Variants in FAM184B observed in about 807,000 individuals in gnomAD.
FAM184B encodes the protein protein FAM184B.
Under a neutral mutation model 135.9 loss-of-function variants are expected in FAM184B, and 111 were observed. The observed-to-expected ratio is 0.82, with a 90% CI of 0.70 to 0.96. The LOEUF (loss-of-function observed/expected upper bound fraction) is 0.96, where lower values mean the gene tolerates loss of function less well. Ranked by LOEUF, FAM184B falls within the 40% of genes least tolerant of loss-of-function variation. FAM184B has a pLI of 0.00. For missense variants in FAM184B, 1,375 were observed against 1,323.9 expected, an observed-to-expected ratio of 1.04 and a Z score of -0.60; for synonymous variants, 552 against 524.8, an observed-to-expected ratio of 1.05 and a Z score of -0.71.
chr4:17,686,149 C>T (rs183245855), intron 7 of FAM184B, among the ~76,000 whole-genome samples: 97 of 152,332 alleles, frequency 6.4e-4, no homozygotes, highest in African/African-American at 1.9e-3. Context: ...CCACAGGGCG[C>T]TGGTGAAAGG....
chr4:17,653,925 G>GGAGAGAGAGAGGGAGGGAGAGAGAGA (rs140514998), intron 10 of FAM184B, among the ~76,000 whole-genome samples: 2 of 131,274 alleles, frequency 1.5e-5, no homozygotes, highest in Admixed American at 7.6e-5. Context: ...AGAGAGGGAG[G>GGAGAGAGAGAGGGAGGGAGAGAGAGA]GGGAGGGGGA....
chr4:17,652,146 T>TTTTTTTTGAG (rs762642185), intron 11 of FAM184B, among the ~76,000 whole-genome samples: 1 of 131,934 alleles, frequency 7.6e-6, no homozygotes, highest in Non-Finnish European at 1.6e-5. Context: ...TTTTTTTTTT[T>TTTTTTTTGAG]TTGAGTCTTG....
At chr4:17,632,810 T>C (rs936870088) in intron 17 of FAM184B, 185 bp from the exon 18 acceptor site, 1 of 515,388 alleles carries the variant, frequency 1.9e-6, no homozygotes, top group African/African-American at 1.9e-5. Flanking sequence ...GAGTACCTAA[T>C]CCTCATTTGG....
Position 17,701,543 on chromosome 4 carries a change from T to C in FAM184B, c.1377+3457A>G, listed in dbSNP as rs192001239. 1.5e-4 allele frequency among the ~76,000 whole-genome samples: 23 copies of C among 152,338 alleles called. No homozygotes were observed. In the East Asian group the frequency reaches 4.2e-3, roughly 28 times the overall value. ...GGATGTTTGAGAACCCTCCATCTGA[T>C]GGATCAGAGCCCTCCTCTTATTATA... On this transcript the variant is annotated intron_variant, in intron 5 of 17. Coordinates refer to ENST00000265018, the MANE Select transcript of FAM184B (RefSeq NM_015688.2).
rs1190252887 is a variant in FAM184B, at chr4:17,633,682, C to G, written c.3089+7G>C. 4 of 1,520,208 alleles carry G rather than the reference C, an allele frequency of 2.6e-6. No individual in the cohort carries two copies. In the African/African-American group the frequency reaches 4.2e-5, roughly 16 times the overall value. The allele number at this position is 1,520,208 out of a possible 1,614,324, so 94.2% of individuals were successfully genotyped here. On this transcript the variant is annotated splice_region_variant and intron_variant, in intron 17 of 17. Transcript: ENST00000265018. ...ATAAGGGCCCCTGTCCCCAACATCC[C>G]CCAAACCTTGTGGCAGTTTTTGCAT...
At position 17,733,005 on chromosome 4, in the gene FAM184B, A is replaced by G. The variant is rs560533898; in HGVS notation, c.142-23361T>C. Among the ~76,000 whole-genome samples the G allele has an allele frequency of 1.1e-4, 17 of 152,336 alleles. No individual in the cohort carries two copies. In the South Asian group the frequency reaches 3.1e-3, roughly 28 times the overall value. On this transcript the variant is annotated intron_variant, in intron 1 of 17. Transcript: ENST00000265018. The stretch of plus-strand genomic sequence containing the variant: ...TATCCACCATGATCAAGTGGGCTTC[A>G]TTCCTGGGATGCAAGGCTGGTTCAA...
intron 7 of FAM184B, among the ~76,000 whole-genome samples, chr4:17,686,322 G>C (rs969465016): frequency 6.6e-6 from 1 of 152,224 alleles, no homozygotes; most frequent in Non-Finnish European, 1.5e-5. Context: ...CTGTGGATGA[G>C]GGTGCCTCTG....
At position 17,698,527 on chromosome 4, in the gene FAM184B, T is replaced by G. The variant is rs538651475; in HGVS notation, c.1378-5115A>C. On this transcript the variant is annotated intron_variant, in intron 5 of 17. Transcript: ENST00000265018. ...GAAAAGTTAATTATTTGGTATATAT[T>G]TAAAGTTCATGATGCAGCTGAAAGA... Among the ~76,000 whole-genome samples the G allele has an allele frequency of 5.3e-5, 8 of 152,276 alleles. No homozygotes were observed. The South Asian group carries it at 1.5e-3, about 28-fold the overall frequency.
At chr4:17,661,151 C>T (rs754937183) in intron 8 of FAM184B, among the ~76,000 whole-genome samples, 2 of 152,172 alleles carry the variant, frequency 1.3e-5, no homozygotes, top group African/African-American at 2.4e-5. Context: ...GCCTGATCTT[C>T]CTCCTCTATA....
intron 2 of FAM184B, among the ~76,000 whole-genome samples, chr4:17,708,556 A>C (rs1446138648): frequency 6.7e-6 from 1 of 149,722 alleles, no homozygotes; most frequent in Non-Finnish European, 1.5e-5. Flanking sequence ...GAGGCAGGAG[A>C]ATTGCTTGAA....
At chr4:17,715,520 G>A (rs1163870193) in intron 1 of FAM184B, among the ~76,000 whole-genome samples, 1 of 151,758 alleles carries the variant, frequency 6.6e-6, no homozygotes, top group Non-Finnish European at 1.5e-5. Context: ...AATTAATGGG[G>A]TCAAAAGACA....
intron 1 of FAM184B, among the ~76,000 whole-genome samples, chr4:17,721,383 CAAAAAAAAAAA>C (rs61539641): frequency 2.1e-5 from 1 of 47,384 alleles, no homozygotes; most frequent in Non-Finnish European, 4.0e-5. Context: ...GATTCTGTCT[CAAAAAAAAAAA>C]AAAAAAAAAA....
intron 1 of FAM184B, among the ~76,000 whole-genome samples, chr4:17,768,047 A>G (rs1718737951): frequency 6.6e-6 from 1 of 152,196 alleles, no homozygotes; most frequent in African/African-American, 2.4e-5. Context: ...TGTTCCAATA[A>G]AACTTTATTC....
chr4:17,641,943 C>A, intron 13 of FAM184B, 113 bp downstream of exon 13: 1 of 1,392,362 alleles, frequency 7.2e-7, no homozygotes, highest in Non-Finnish European at 9.3e-7. Flanking sequence ...GGCAGGATGC[C>A]GAGGCAGTGA....
intron 1 of FAM184B, among the ~76,000 whole-genome samples, chr4:17,750,205 T>A (rs959130173): frequency 6.6e-6 from 1 of 152,230 alleles, no homozygotes; most frequent in African/African-American, 2.4e-5. Context: ...CGATTTCCTA[T>A]CACCACCAGC....
At chr4:17,652,044 A>G (rs1232670047) in intron 11 of FAM184B, among the ~76,000 whole-genome samples, 2 of 152,056 alleles carry the variant, frequency 1.3e-5, no homozygotes, top group Admixed American at 6.6e-5. Context: ...TCTGGGTTAC[A>G]TGCAATAATA....
intron 1 of FAM184B, among the ~76,000 whole-genome samples, chr4:17,770,521 TG>T (rs1393378557): frequency 1.3e-5 from 2 of 152,204 alleles, no homozygotes; most frequent in Non-Finnish European, 2.9e-5. Context: ...TGGAGTGCAG[TG>T]GCGAAATATT....
At chr4:17,746,438 T>C (rs1718165760) in intron 1 of FAM184B, among the ~76,000 whole-genome samples, 1 of 151,924 alleles carries the variant, frequency 6.6e-6, no homozygotes, top group Non-Finnish European at 1.5e-5. Context: ...CTTAAAAAAG[T>C]AGATTCCTTT....
chr4:17,686,849 G>A (rs1716600864), intron 7 of FAM184B, among the ~76,000 whole-genome samples: 1 of 152,194 alleles, frequency 6.6e-6, no homozygotes, highest in Non-Finnish European at 1.5e-5. Context: ...GGCTGAGGTG[G>A]GAGGATCACT....
Sources: gnomAD v4.1 joint callset for allele counts (sites outside exome capture counted in the v4.1 genomes callset) on GRCh38, gnomAD v4.1.1 for gene constraint, MANE v1.5 for transcripts, NCBI Gene and HGNC (gene_info 2026-07-23, HGNC 2026-07-21) for gene names.